The following HEPHL1 variants were observed in gnomAD, a reference collection of about 807,000 sequenced individuals.
The protein encoded by HEPHL1 is ferroxidase HEPHL1.
A neutral mutation model predicts 122.0 loss-of-function variants in HEPHL1; 123 were observed. The observed-to-expected ratio is 1.01, with a 90% CI of 0.87 to 1.17. The LOEUF is 1.17. Ranked by LOEUF, HEPHL1 falls within the 50% of genes most tolerant of loss-of-function variation. The probability of loss-of-function intolerance (pLI) is 0.00; values close to 1 mark genes in which losing one functional copy is unlikely to be tolerated. For synonymous variants in HEPHL1, 527 were observed against 508.9 expected (o/e 1.04, Z -0.48); for missense variants, 1,452 against 1,430.5 (o/e 1.01, Z -0.24).
intron 4 of HEPHL1, 74 bp from the exon 5 acceptor site, chr11:94,067,422 C>A: frequency 6.8e-7 from 1 of 1,462,146 alleles, no homozygotes; most frequent in South Asian, 1.2e-5. Flanking sequence ...ATGCTTAAGC[C>A]CGTATTACCA....
intron 9 of HEPHL1, among the ~76,000 whole-genome samples, chr11:94,079,265 C>T (rs1447476089): frequency 6.6e-6 from 1 of 152,138 alleles, no homozygotes. Flanking sequence ...ATCACTTGCT[C>T]CAGGCTTCAC....
chr11:94,104,522 T>C lies in HEPHL1; in HGVS notation c.2683-6T>C. ...CTCTTTTAACTCAGTTTATTTTTTC[T>C]TCCAGGATACGTATAGTGGTTTGAT... On this transcript the variant is annotated splice_region_variant and splice_polypyrimidine_tract_variant and intron_variant, in intron 15 of 19. Transcript: ENST00000315765. 1 of 1,593,596 alleles carries C rather than the reference T, an allele frequency of 6.3e-7. No homozygotes were observed. Among genetic ancestry groups the C allele is most frequent in the Non-Finnish European group, 8.6e-7 (1 of 1,164,440 alleles).
rs1946003931 is a variant in HEPHL1 at position 94,063,495 on chromosome 11, T to G, written c.416-13T>G. On this transcript the variant is annotated splice_polypyrimidine_tract_variant and intron_variant, in intron 2 of 19. Transcript: ENST00000315765. Reference sequence around the variant, plus strand: ...TATGTTTTACCTTTTTTTTTAATTTTATTTTTTGGAAGGAGCCCTATACCC... The same window carrying G: ...TATGTTTTACCTTTTTTTTTAATTTGATTTTTTGGAAGGAGCCCTATACCC... 1.3e-6 allele frequency: 2 copies of G among 1,559,630 alleles called. No individual in the cohort carries two copies. The highest frequency in any genetic ancestry group is 4.8e-5 in the East Asian group (2 of 41,778).
At chr11:94,077,946 T>G (rs1946139546) in intron 9 of HEPHL1, among the ~76,000 whole-genome samples, 1 of 152,190 alleles carries the variant, frequency 6.6e-6, no homozygotes, top group Admixed American at 6.5e-5. Flanking sequence ...AAGGTCACTT[T>G]CTTTTATATC....
intron 2 of HEPHL1, 114 bp downstream of exon 2, chr11:94,046,031 CTCTG>C (rs1945833235): frequency 1.3e-6 from 1 of 759,136 alleles, no homozygotes; most frequent in African/African-American, 1.8e-5. Context: ...TTTATCTTCT[CTCTG>C]TCTGCTTCTC....
chr11:94,056,016 G>T, intron 2 of HEPHL1: 2 of 695,184 alleles, frequency 2.9e-6, no homozygotes, highest in Non-Finnish European at 4.5e-6. Context: ...TCCATTCTCT[G>T]TTCTTTAAAT....
chr11:94,073,015 G>C lies in HEPHL1; in HGVS notation c.1233-10G>C. 1 of 1,610,822 alleles carries C rather than the reference G, an allele frequency of 6.2e-7. No individual in the cohort carries two copies. Among genetic ancestry groups the C allele is most frequent in the African/African-American group, 1.3e-5 (1 of 74,836 alleles). On this transcript the variant is annotated splice_polypyrimidine_tract_variant and intron_variant, in intron 6 of 19. Transcript: ENST00000315765. ...GAAGTGTCCTCAATCACATTCCTATGTCTTTTCAGTGACTCTGATCTCTAC... is the reference window on the plus strand; with the variant it reads ...GAAGTGTCCTCAATCACATTCCTATCTCTTTTCAGTGACTCTGATCTCTAC...
rs76900693 is a variant in HEPHL1 at position 94,091,116 on chromosome 11, T to C, written c.2294+2148T>C. On this transcript the variant is annotated intron_variant, in intron 12 of 19. Coordinates refer to ENST00000315765, the MANE Select transcript of HEPHL1 (RefSeq NM_001098672.2). ...ATTCTCCACAATAAACCACTGCCTA[T>C]TGAGCAGCTACTGTGGACCAGGCAT... 3.7e-3 allele frequency among the ~76,000 whole-genome samples: 563 copies of C among 152,348 alleles called. 4 individuals carry two copies. Among genetic ancestry groups the C allele is most frequent in the African/African-American group, 0.013 (521 of 41,582 alleles).
At chr11:94,033,779 C>T (rs138432918) in intron 1 of HEPHL1, among the ~76,000 whole-genome samples, 8 of 152,204 alleles carry the variant, frequency 5.3e-5, no homozygotes, top group East Asian at 3.9e-4. Flanking sequence ...CTCTTCCAGG[C>T]GAGTTGCTGG....
chr11:94,074,598 A>G (rs1362443358), intron 8 of HEPHL1, among the ~76,000 whole-genome samples: 1 of 152,130 alleles, frequency 6.6e-6, no homozygotes, highest in East Asian at 1.9e-4. Context: ...GAAAGAATCA[A>G]TGTGTTTTTT....
At chr11:94,041,202 C>A (rs1255728123) in intron 1 of HEPHL1, among the ~76,000 whole-genome samples, 1 of 150,742 alleles carries the variant, frequency 6.6e-6, no homozygotes, top group African/African-American at 2.5e-5. Context: ...AACTACAAGC[C>A]ACTGCTCAAG....
At chr11:94,090,583 G>A (rs981117366) in intron 12 of HEPHL1, among the ~76,000 whole-genome samples, 2 of 152,188 alleles carry the variant, frequency 1.3e-5, no homozygotes, top group Non-Finnish European at 2.9e-5. Context: ...ATACATAGAT[G>A]AAAGCAAAGT....
chr11:94,111,116 A>G, intron 18 of HEPHL1, 51 bp downstream of exon 18: 1 of 1,475,878 alleles, frequency 6.8e-7, no homozygotes, highest in South Asian at 1.3e-5. Flanking sequence ...CTTCCTGTAG[A>G]CCCCCAAAAC....
At chr11:94,037,388 G>T (rs969793539) in intron 1 of HEPHL1, among the ~76,000 whole-genome samples, 6 of 151,966 alleles carry the variant, frequency 3.9e-5, no homozygotes, top group Non-Finnish European at 7.3e-5. Context: ...AGGCCTGCCT[G>T]CCTCTGTAGG....
chr11:94,046,043 C>A, intron 2 of HEPHL1, 126 bp downstream of exon 2: 2 of 576,014 alleles, frequency 3.5e-6, no homozygotes, highest in East Asian at 3.6e-5. Context: ...CTGTCTGCTT[C>A]TCCATCCATC....
intron 1 of HEPHL1, among the ~76,000 whole-genome samples, chr11:94,039,899 C>T (rs1168950677): frequency 1.0e-5 from 1 of 95,756 alleles, no homozygotes; most frequent in African/African-American, 4.4e-5. Flanking sequence ...AATAGAGACA[C>T]AAAAAACCCT....
intron 4 of HEPHL1, among the ~76,000 whole-genome samples, chr11:94,067,180 G>A (rs1340558424): frequency 2.6e-5 from 4 of 152,184 alleles, no homozygotes; most frequent in South Asian, 2.1e-4. Context: ...AGGTGACTGA[G>A]CCTCCTGTAA....
intron 1 of HEPHL1, among the ~76,000 whole-genome samples, chr11:94,032,083 G>T (rs1053076090): frequency 6.6e-6 from 1 of 152,192 alleles, no homozygotes; most frequent in Non-Finnish European, 1.5e-5. Flanking sequence ...GCTAATCAAA[G>T]CCTCCTTTCC....
rs200886564 is a variant in HEPHL1 at position 94,088,783 on chromosome 11, G to A, written c.2109G>A (p.Met703Ile). 1.2e-6 allele frequency: 2 copies of A among 1,613,830 alleles called. No homozygotes were observed. The highest frequency in any genetic ancestry group is 2.7e-5 in the African/African-American group (2 of 75,024). The change falls in exon 12 of 20, where the codon ATG becomes ATA. Residue 703 changes from methionine to isoleucine, a missense_variant. By Grantham distance (10) the Met-to-Ile change is conservative. Transcript: ENST00000315765. Reference sequence around the variant, plus strand: ...TTTTTAGGGTGTTTTGTGCCACCATGCCCCACCTCTCGAGAGGCATGGGTC... The same window carrying A: ...TTTTTAGGGTGTTTTGTGCCACCATACCCCACCTCTCGAGAGGCATGGGTC... ...AGIFRVFCAT[M>I]PHLSRGMGQI...
Sources: gnomAD v4.1 joint callset for allele counts (sites outside exome capture counted in the v4.1 genomes callset) on GRCh38, gnomAD v4.1.1 for gene constraint, MANE v1.5 for transcripts, NCBI Gene and HGNC (gene_info 2026-07-23, HGNC 2026-07-21) for gene names.